Variants in SERINC5 observed in about 807,000 individuals in gnomAD.
SERINC5 encodes chromosome 5 open reading frame 12.
In SERINC5, 41 loss-of-function variants were observed where a neutral mutation model predicts 63.1. The observed-to-expected ratio is 0.65, with a 90% CI of 0.51 to 0.84. SERINC5 has a LOEUF of 0.84. SERINC5 is among the 40% of genes least tolerant of loss of function. SERINC5 has a pLI of 0.00. For missense variants in SERINC5, 523 were observed against 573.0 expected (o/e 0.91, Z 0.89); for synonymous variants, 222 against 215.2 (o/e 1.03, Z -0.28).
chr5:80,191,673 A>G (rs561339150), intron 2 of SERINC5, among the ~76,000 whole-genome samples: 2 of 148,430 alleles, frequency 1.3e-5, no homozygotes, highest in African/African-American at 5.1e-5. Flanking sequence ...TAAAAAAAAA[A>G]AAAGAAAGAA....
chr5:80,194,031 C>T (rs1240121837), intron 2 of SERINC5, among the ~76,000 whole-genome samples: 2 of 152,092 alleles, frequency 1.3e-5, no homozygotes, highest in Admixed American at 6.6e-5. Context: ...GCTTGAGGTT[C>T]GATGGTCCCA....
chr5:80,254,238 T>G (rs912913301), intron 1 of SERINC5, among the ~76,000 whole-genome samples: 2 of 151,836 alleles, frequency 1.3e-5, no homozygotes, highest in African/African-American at 4.8e-5. Context: ...TGCTTTTCTT[T>G]TAACTTCCTA....
At chr5:80,234,861 C>T (rs1233847227) in intron 1 of SERINC5, among the ~76,000 whole-genome samples, 3 of 152,154 alleles carry the variant, frequency 2.0e-5, no homozygotes, top group Non-Finnish European at 4.4e-5. Flanking sequence ...TTTATAACCC[C>T]TACTTAACTA....
rs1437768344 is a variant in SERINC5, at chr5:80,140,154, T to C, written c.*3509A>G. The stretch of plus-strand genomic sequence containing the variant: ...AGACCAGCCTGGACAACCCCATCTC[T>C]ACAAAAAAATAAAAATCGGCCAGGT... On this transcript the variant is annotated 3_prime_UTR_variant, in exon 12 of 12. Coordinates refer to ENST00000507668, the MANE Select transcript of SERINC5 (RefSeq NM_001174072.3). The C allele has an allele frequency of 5.3e-6, 4 of 755,774 alleles. No homozygotes were observed. The highest frequency in any genetic ancestry group is 4.8e-6 in the Non-Finnish European group (3 of 621,170). 46.8% of individuals were successfully genotyped at this position (755,774 alleles called of 1,614,324 possible).
intron 11 of SERINC5, chr5:80,116,416 T>C (rs1744323569): frequency 5.2e-5 from 23 of 438,344 alleles, no homozygotes; most frequent in South Asian, 3.6e-4. Flanking sequence ...CAGATCACTA[T>C]GAACCTTATC....
chr5:80,188,731 T>G (rs1485072898), intron 2 of SERINC5, among the ~76,000 whole-genome samples: 1 of 151,858 alleles, frequency 6.6e-6, no homozygotes, highest in Non-Finnish European at 1.5e-5. Context: ...CTACAAAAAG[T>G]AAAAAAATTG....
chr5:80,212,661 G>GGGT (rs1750486696), intron 1 of SERINC5, among the ~76,000 whole-genome samples: 1 of 136,122 alleles, frequency 7.3e-6, no homozygotes. Flanking sequence ...GGGCAGTGGT[G>GGGT]GGGTGGGGGG....
At chr5:80,177,816 T>C (rs1748133222) in intron 3 of SERINC5, 70 bp downstream of exon 3, 2 of 1,221,002 alleles carry the variant, frequency 1.6e-6, no homozygotes, top group Admixed American at 2.9e-5. Context: ...GGTGGGCAGA[T>C]GGGATCCTGG....
chr5:80,130,305 A>G (rs60024200), intron 11 of SERINC5, among the ~76,000 whole-genome samples: 20,603 of 151,966 alleles, frequency 0.14, 1,638 homozygotes, highest in East Asian at 0.22. Context: ...ACTTGAACCC[A>G]GGAGGCAGAG....
At chr5:80,156,576 G>A (rs1746531261) in intron 8 of SERINC5, among the ~76,000 whole-genome samples, 1 of 152,146 alleles carries the variant, frequency 6.6e-6, no homozygotes. Context: ...CACTTTGTAG[G>A]GGCTGCAGTT....
intron 11 of SERINC5, among the ~76,000 whole-genome samples, chr5:80,125,731 G>A (rs1020833324): frequency 6.6e-6 from 1 of 152,202 alleles, no homozygotes; most frequent in Non-Finnish European, 1.5e-5. Flanking sequence ...TAACTGTGGA[G>A]TTATAATGGT....
chr5:80,188,464 G>T (rs1468655100), intron 2 of SERINC5, among the ~76,000 whole-genome samples: 1 of 151,974 alleles, frequency 6.6e-6, no homozygotes, highest in Admixed American at 6.6e-5. Flanking sequence ...TTCCCTAGAG[G>T]TGCCACTGTC....
At chr5:80,112,634 A>G (rs1744163652) in intron 12 of SERINC5, among the ~76,000 whole-genome samples, 1 of 151,958 alleles carries the variant, frequency 6.6e-6, no homozygotes, top group Admixed American at 6.6e-5. Context: ...ACAGGTGTGG[A>G]GGGGCAAACC....
At chr5:80,121,177 G>A (rs1243096726) in intron 11 of SERINC5, among the ~76,000 whole-genome samples, 4 of 152,124 alleles carry the variant, frequency 2.6e-5, no homozygotes, top group South Asian at 2.1e-4. Flanking sequence ...ATGAGCCAAC[G>A]CACCCAGCCA....
intron 1 of SERINC5, among the ~76,000 whole-genome samples, chr5:80,228,568 G>A (rs1031776179): frequency 6.6e-6 from 1 of 151,972 alleles, no homozygotes; most frequent in African/African-American, 2.4e-5. Context: ...TGATCCTCCT[G>A]CCTCAGCCTC....
chr5:80,120,835 A>T (rs1459547132), intron 11 of SERINC5, among the ~76,000 whole-genome samples: 2 of 152,132 alleles, frequency 1.3e-5, no homozygotes, highest in Non-Finnish European at 2.9e-5. Context: ...AAATACCTGC[A>T]TTGCTATAAA....
intron 11 of SERINC5, among the ~76,000 whole-genome samples, chr5:80,131,487 T>C (rs970642806): frequency 8.5e-5 from 13 of 152,130 alleles, no homozygotes; most frequent in Non-Finnish European, 1.3e-4. Flanking sequence ...GGGAGAAGCA[T>C]TCCAGTATGG....
intron 1 of SERINC5, among the ~76,000 whole-genome samples, chr5:80,221,397 C>T (rs556250926): frequency 5.9e-5 from 9 of 152,212 alleles, no homozygotes; most frequent in African/African-American, 1.4e-4. Context: ...GCAAGTTTCC[C>T]GTGCGATCAC....
intron 11 of SERINC5, among the ~76,000 whole-genome samples, chr5:80,118,716 T>A (rs1235889526): frequency 4.7e-5 from 5 of 106,902 alleles, no homozygotes; most frequent in African/African-American, 1.6e-4. Context: ...TCCAGCTAAT[T>A]TTTTTTTTTT....
Sources: allele counts gnomAD v4.1 joint callset (sites outside exome capture counted in the v4.1 genomes callset), GRCh38; gene constraint gnomAD v4.1.1; transcripts MANE v1.5; gene names NCBI Gene and HGNC (gene_info 2026-07-23, HGNC 2026-07-21).